CYP19A1: variants seen among roughly 807,000 people sequenced by gnomAD.
CYP19A1 encodes the protein cytochrome P450 family 19 subfamily A member 1.
In CYP19A1, 32 loss-of-function variants were observed where a neutral mutation model predicts 44.4. The ratio of observed to expected loss-of-function variants is 0.72; its 90% CI spans 0.54 to 0.97. The LOEUF (loss-of-function observed/expected upper bound fraction) is 0.97. Ranked by LOEUF, CYP19A1 falls within the 50% of genes least tolerant of loss-of-function variation. The pLI is 0.00. For missense variants in CYP19A1, 598 were observed against 637.8 expected, an observed-to-expected ratio of 0.94 and a Z score of 0.67; for synonymous variants, 212 against 215.6, an observed-to-expected ratio of 0.98 and a Z score of 0.14.
chr15:51,244,131 G>C (rs1255397835), intron 1 of CYP19A1, among the ~76,000 whole-genome samples: 2 of 152,180 alleles, frequency 1.3e-5, no homozygotes, highest in African/African-American at 4.8e-5. Flanking sequence ...TGGATATTGG[G>C]GGCTCTGTGT....
intron 1 of CYP19A1, among the ~76,000 whole-genome samples, chr15:51,337,629 G>A: frequency 6.6e-6 from 1 of 152,244 alleles, no homozygotes; most frequent in Admixed American, 6.5e-5. Context: ...AGATGAGGAA[G>A]GGTACTCGGA....
rs747899713 is a variant in CYP19A1, at chr15:51,211,074, CAGTT to C, written c.1264-22_1264-19del. 15 of 1,539,292 alleles carry C rather than the reference CAGTT, an allele frequency of 9.7e-6. No homozygotes were observed. The African/African-American group carries it at 1.1e-4, about 11-fold the overall frequency. ...TAAGGAACCTATGAAAATGATCAGA[CAGTT>C]AGCCAGAATATTAAAGGCTAGAGTC... is the stretch of plus-strand genomic sequence containing the variant. On this transcript the variant is annotated intron_variant, in intron 9 of 9. Transcript: ENST00000396402.
intron 1 of CYP19A1, among the ~76,000 whole-genome samples, chr15:51,295,249 T>C (rs1458321508): frequency 6.6e-6 from 1 of 152,070 alleles, no homozygotes; most frequent in South Asian, 2.1e-4. Flanking sequence ...TACATTATTC[T>C]TTGTTGACAA....
At chr15:51,304,202 A>T (rs1388769778) in intron 1 of CYP19A1, among the ~76,000 whole-genome samples, 2 of 152,208 alleles carry the variant, frequency 1.3e-5, no homozygotes, top group Non-Finnish European at 2.9e-5. Context: ...GTTGGAAGGT[A>T]TACTGAGGGC....
intron 1 of CYP19A1, among the ~76,000 whole-genome samples, chr15:51,246,526 G>A (rs17523284): frequency 0.36 from 54,494 of 151,908 alleles, 11,419 homozygotes; most frequent in Non-Finnish European, 0.47. Flanking sequence ...CAACCTCTGC[G>A]TAAGAAAACG....
At chr15:51,337,613 A>G (rs1377387395) in intron 1 of CYP19A1, among the ~76,000 whole-genome samples, 4 of 152,236 alleles carry the variant, frequency 2.6e-5, no homozygotes, top group Non-Finnish European at 5.9e-5. Flanking sequence ...CTAGGAAGTC[A>G]AGGCTAGATG....
At chr15:51,298,931 T>C (rs2036056119) in intron 1 of CYP19A1, among the ~76,000 whole-genome samples, 1 of 152,230 alleles carries the variant, frequency 6.6e-6, no homozygotes, top group Non-Finnish European at 1.5e-5. Context: ...TCATTGCTAA[T>C]GTGAGCTTGC....
rs1440285818 is a variant in CYP19A1, at chr15:51,298,338, C to A, written c.-39+40157G>T. 2.0e-5 allele frequency among the ~76,000 whole-genome samples: 3 copies of A among 152,134 alleles called. No individual in the cohort carries two copies. The East Asian group carries it at 5.8e-4, about 29-fold the overall frequency. Reference sequence around the variant, plus strand: ...TTAATTAACTTATTTAGATTTTGTACAATAATTTAGTTTTATGGAGCCCAT... The same window carrying A: ...TTAATTAACTTATTTAGATTTTGTAAAATAATTTAGTTTTATGGAGCCCAT... On this transcript the variant is annotated intron_variant, in intron 1 of 9. Transcript: ENST00000396402.
intron 1 of CYP19A1, chr15:51,320,113 C>G (rs1452984087): frequency 6.6e-6 from 1 of 152,318 alleles, no homozygotes. Flanking sequence ...CCTTCCAACT[C>G]AAATCTCCCC....
At chr15:51,327,521 T>A (rs1445637772) in intron 1 of CYP19A1, among the ~76,000 whole-genome samples, 3 of 151,610 alleles carry the variant, frequency 2.0e-5, no homozygotes, top group Admixed American at 2.0e-4. Flanking sequence ...TGAGGCAGAA[T>A]CTTGCTCTGT....
In CYP19A1 at chr15:51,227,946, G is replaced by A. The variant is rs552093024; in HGVS notation, c.297-13C>T. 8 of 1,534,878 alleles carry A rather than the reference G, an allele frequency of 5.2e-6. No individual in the cohort carries two copies. The South Asian group carries it at 8.9e-5, about 17-fold the overall frequency. ...CATACTTGAGGACCTGAAAAGACAG[G>A]AAACTTTGGTGTCAATTTTTAAGGG... On this transcript the variant is annotated splice_polypyrimidine_tract_variant and intron_variant, in intron 3 of 9. Transcript: ENST00000396402.
intron 6 of CYP19A1, 124 bp from the exon 7 acceptor site, chr15:51,215,941 A>G: frequency 6.6e-6 from 10 of 1,511,160 alleles, no homozygotes; most frequent in Admixed American, 2.0e-5. Context: ...GCTTATGAGT[A>G]AGTGAATTAC....
chr15:51,292,685 G>C (rs778178275), intron 1 of CYP19A1, among the ~76,000 whole-genome samples: 2 of 152,156 alleles, frequency 1.3e-5, no homozygotes, highest in Non-Finnish European at 2.9e-5. Flanking sequence ...CTGCTTTCCT[G>C]CCAAGCTTTG....
intron 4 of CYP19A1, among the ~76,000 whole-genome samples, chr15:51,223,546 A>C (rs1168086179): frequency 6.7e-6 from 1 of 149,960 alleles, no homozygotes; most frequent in Non-Finnish European, 1.5e-5. Flanking sequence ...CTCCAGAAGA[A>C]GACTATCCTC....
chr15:51,233,829 A>G (rs1354208230), intron 3 of CYP19A1, among the ~76,000 whole-genome samples: 2 of 152,144 alleles, frequency 1.3e-5, no homozygotes, highest in African/African-American at 4.8e-5. Flanking sequence ...GCACCTACAG[A>G]CCTTCATTAA....
chr15:51,329,481 C>T (rs919228257), intron 1 of CYP19A1, among the ~76,000 whole-genome samples: 15 of 152,150 alleles, frequency 9.9e-5, no homozygotes, highest in African/African-American at 3.6e-4. Context: ...ATTAGTAGTG[C>T]CCCCCAAGAG....
chr15:51,296,609 T>C (rs538872932), intron 1 of CYP19A1, among the ~76,000 whole-genome samples: 81 of 152,338 alleles, frequency 5.3e-4, no homozygotes, highest in Non-Finnish European at 6.8e-4. Flanking sequence ...GTTTAAAAAG[T>C]TGTTCCTTTA....
At chr15:51,311,704 C>T (rs1449869389) in intron 1 of CYP19A1, among the ~76,000 whole-genome samples, 2 of 152,226 alleles carry the variant, frequency 1.3e-5, no homozygotes, top group African/African-American at 4.8e-5. Flanking sequence ...CAATGCCCTC[C>T]TCCTCACTTA....
chr15:51,309,729 C>G (rs1351183695), intron 1 of CYP19A1, among the ~76,000 whole-genome samples: 1 of 152,166 alleles, frequency 6.6e-6, no homozygotes, highest in Non-Finnish European at 1.5e-5. Context: ...TCTAGAAGGG[C>G]AAAGCTCCAG....
Sources: allele counts gnomAD v4.1 joint callset (sites outside exome capture counted in the v4.1 genomes callset), GRCh38; gene constraint gnomAD v4.1.1; transcripts MANE v1.5; gene names NCBI Gene and HGNC (gene_info 2026-07-23, HGNC 2026-07-21).